ADCYAP1R1: variants seen among roughly 807,000 people sequenced by gnomAD.
ADCYAP1R1 encodes pituitary adenylate cyclase-activating polypeptide type I receptor.
ADCYAP1R1 carries 44 observed loss-of-function variants against 67.6 expected under a neutral mutation model. That is an observed-to-expected ratio of 0.65 (90% confidence interval 0.51 to 0.84). The LOEUF is 0.84. Ranked by LOEUF, ADCYAP1R1 falls within the 40% of genes least tolerant of loss-of-function variation. ADCYAP1R1 has a pLI of 0.00. For synonymous variants in ADCYAP1R1, 222 were observed against 219.6 expected, an observed-to-expected ratio of 1.01 and a Z score of -0.10; for missense variants, 477 against 587.9, an observed-to-expected ratio of 0.81 and a Z score of 1.95.
intron 1 of ADCYAP1R1, among the ~76,000 whole-genome samples, chr7:31,060,955 G>T (rs1327844414): frequency 6.6e-6 from 1 of 152,236 alleles, no homozygotes; most frequent in Non-Finnish European, 1.5e-5. Context: ...GAGAGCTTCT[G>T]ATTCATTTGG....
intron 3 of ADCYAP1R1, among the ~76,000 whole-genome samples, chr7:31,075,465 C>G (rs1412625993): frequency 6.6e-6 from 1 of 152,146 alleles, no homozygotes; most frequent in Non-Finnish European, 1.5e-5. Flanking sequence ...ACTCCACACT[C>G]CTGCCTCCCC....
intron 1 of ADCYAP1R1, among the ~76,000 whole-genome samples, chr7:31,056,155 C>A (rs741053): frequency 0.54 from 82,459 of 151,942 alleles, 24,846 homozygotes; most frequent in African/African-American, 0.82. Flanking sequence ...GAAACAGCTC[C>A]AAGGAGAGGG....
chr7:31,097,606 C>G (rs1011493750), intron 13 of ADCYAP1R1, among the ~76,000 whole-genome samples: 3 of 152,116 alleles, frequency 2.0e-5, no homozygotes, highest in African/African-American at 7.2e-5. Context: ...TGCAGGGTTT[C>G]CCAGTGAACT....
At chr7:31,070,493 C>T (rs1314797105) in intron 3 of ADCYAP1R1, among the ~76,000 whole-genome samples, 2 of 152,208 alleles carry the variant, frequency 1.3e-5, no homozygotes, top group Admixed American at 1.3e-4. Context: ...AACCAGTCCT[C>T]TCTACGTTCA....
intron 3 of ADCYAP1R1, among the ~76,000 whole-genome samples, chr7:31,072,730 T>A (rs1795042933): frequency 6.6e-6 from 1 of 152,206 alleles, no homozygotes; most frequent in Non-Finnish European, 1.5e-5. Flanking sequence ...GCCCACGTCA[T>A]CCTAATCCCT....
chr7:31,066,113 A>G (rs1215520748), intron 3 of ADCYAP1R1, among the ~76,000 whole-genome samples: 1 of 152,198 alleles, frequency 6.6e-6, no homozygotes, highest in Non-Finnish European at 1.5e-5. Flanking sequence ...GAGGAGACCC[A>G]AAGAATATCC....
At position 31,101,084 on chromosome 7, in the gene ADCYAP1R1, C is replaced by G. The variant is rs79278791; in HGVS notation, c.1047-2153C>G. Among the ~76,000 whole-genome samples the G allele has an allele frequency of 3.3e-3, 510 of 152,302 alleles. 1 individual carries two copies. Among genetic ancestry groups the G allele is most frequent in the African/African-American group, 0.012 (484 of 41,568 alleles). On this transcript the variant is annotated intron_variant, in intron 13 of 15. Transcript: ENST00000304166. ...CCCAGAACCCTGGGCTCTAGAGACT[C>G]CTTGTCTGTCCCTACTGCCCCATTT...
rs79213646 is a variant in ADCYAP1R1, at chr7:31,102,273, C to T, written c.1047-964C>T. On this transcript the variant is annotated intron_variant, in intron 13 of 15. Coordinates refer to ENST00000304166, the MANE Select transcript of ADCYAP1R1 (RefSeq NM_001118.5). The surrounding 1 kb of genome is among the most constrained non-coding windows in gnomAD (Gnocchi z 4.3). ...TCTGGAGGAGATGGGCCAGGTGCAG[C>T]CTGGGGGCAGGCCACATCTGCGGGG... 6.6e-6 allele frequency among the ~76,000 whole-genome samples: 1 copy of T among 152,234 alleles called. No individual in the cohort carries two copies. The highest frequency in any genetic ancestry group is 1.5e-5 in the Non-Finnish European group (1 of 68,038).
intron 14 of ADCYAP1R1, 112 bp downstream of exon 14, chr7:31,103,478 T>A: frequency 6.8e-7 from 1 of 1,474,384 alleles, no homozygotes; most frequent in Non-Finnish European, 9.3e-7. Context: ...AGTGCTAGAG[T>A]AGAGGTGATG....
intron 7 of ADCYAP1R1, 103 bp downstream of exon 7, chr7:31,084,353 C>G: frequency 1.1e-6 from 1 of 876,836 alleles, no homozygotes. Context: ...TGAGAAGCAA[C>G]TGGGATGCTG....
chr7:31,101,614 C>T (rs961672585), intron 13 of ADCYAP1R1, among the ~76,000 whole-genome samples: 5 of 152,244 alleles, frequency 3.3e-5, no homozygotes, highest in Non-Finnish European at 7.3e-5. Context: ...CCCTCTGTTG[C>T]CTTCTGGTGC....
chr7:31,076,236 C>T (rs747132183), intron 3 of ADCYAP1R1, among the ~76,000 whole-genome samples: 8 of 152,158 alleles, frequency 5.3e-5, no homozygotes, highest in East Asian at 1.9e-4. Context: ...GGCCGCTGGG[C>T]GGGACCCAGT....
intron 3 of ADCYAP1R1, among the ~76,000 whole-genome samples, chr7:31,071,377 T>A (rs1189521185): frequency 6.6e-6 from 1 of 152,142 alleles, no homozygotes; most frequent in Non-Finnish European, 1.5e-5. Flanking sequence ...GACCCACCCC[T>A]GGGCCTGAAT....
At chr7:31,100,402 G>A (rs542998115) in intron 13 of ADCYAP1R1, among the ~76,000 whole-genome samples, 1 of 145,460 alleles carries the variant, frequency 6.9e-6, no homozygotes, top group African/African-American at 2.5e-5. Context: ...GGGTGGGTGG[G>A]CAGGGTGTGG....
rs943792566 is a variant in ADCYAP1R1, at chr7:31,102,041, A to G, written c.1047-1196A>G. On this transcript the variant is annotated intron_variant, in intron 13 of 15. Transcript: ENST00000304166. The surrounding 1 kb of genome is among the most constrained non-coding windows in gnomAD (Gnocchi z 4.3). ...TCCTTCTCCTCTCTGAATGTAAGCT[A>G]GGAAGTCAAGGGCCTCACACAGACT... Among the ~76,000 whole-genome samples, 1 of 152,152 alleles carries G rather than the reference A, an allele frequency of 6.6e-6. No homozygotes were observed. Among genetic ancestry groups the G allele is most frequent in the Non-Finnish European group, 1.5e-5 (1 of 68,014 alleles).
At chr7:31,076,765 GCAGCCTTAGAC>G (rs1328430457) in intron 3 of ADCYAP1R1, among the ~76,000 whole-genome samples, 3 of 152,162 alleles carry the variant, frequency 2.0e-5, no homozygotes, top group Non-Finnish European at 4.4e-5. Flanking sequence ...GAGTGGAGCA[GCAGCCTTAGAC>G]CAGCCTGTTC....
In ADCYAP1R1 at chr7:31,111,115, C is replaced by T. The variant is rs1245656108; in HGVS notation, c.*4431C>T. 1 of 152,186 alleles carries T rather than the reference C, an allele frequency of 6.6e-6. No individual in the cohort carries two copies. Among genetic ancestry groups the T allele is most frequent in the Non-Finnish European group, 1.5e-5 (1 of 68,046 alleles). 9.4% of individuals were successfully genotyped at this position (152,186 alleles called of 1,614,324 possible). On this transcript the variant is annotated 3_prime_UTR_variant, in exon 16 of 16. Coordinates refer to ENST00000304166, the MANE Select transcript of ADCYAP1R1 (RefSeq NM_001118.5). Reference sequence around the variant, plus strand: ...TTCCATATGGGTGATAGCAGCCATGCCCCTGGGAGTCAACTTCAAGGATCT... The same window carrying T: ...TTCCATATGGGTGATAGCAGCCATGTCCCTGGGAGTCAACTTCAAGGATCT...
Position 31,102,366 on chromosome 7 carries a change from C to T in ADCYAP1R1, c.1047-871C>T, listed in dbSNP as rs938694183. On this transcript the variant is annotated intron_variant, in intron 13 of 15. Coordinates refer to ENST00000304166, the MANE Select transcript of ADCYAP1R1 (RefSeq NM_001118.5). This position sits in a 1 kb window ranked among gnomAD's most constrained non-coding sequence, Gnocchi z 4.3. ...CCCACAGGGAGCCAGTGTGCCCACTCTGGGTGAATGCTTGTGAGTGTCCCC... is the reference window on the plus strand; with the variant it reads ...CCCACAGGGAGCCAGTGTGCCCACTTTGGGTGAATGCTTGTGAGTGTCCCC... Among the ~76,000 whole-genome samples, 1 of 152,208 alleles carries T rather than the reference C, an allele frequency of 6.6e-6. No homozygotes were observed. Among genetic ancestry groups the T allele is most frequent in the Non-Finnish European group, 1.5e-5 (1 of 68,028 alleles).
rs934510181 is a variant in ADCYAP1R1 at position 31,052,366 on chromosome 7, G to C, written c.-384G>C. 2 of 152,002 alleles carry C rather than the reference G, an allele frequency of 1.3e-5. No individual in the cohort carries two copies. Among genetic ancestry groups the C allele is most frequent in the African/African-American group, 4.8e-5 (2 of 41,534 alleles). 9.4% of individuals were successfully genotyped at this position (152,002 alleles called of 1,614,324 possible). On this transcript the variant is annotated 5_prime_UTR_variant, in exon 1 of 16. Transcript: ENST00000304166. Reference sequence around the variant, plus strand: ...GGAGGCGGCGCCTCTCCCGCAGGACGGAGCCAAGCTGGACTGCCGCGCCGC... The same window carrying C: ...GGAGGCGGCGCCTCTCCCGCAGGACCGAGCCAAGCTGGACTGCCGCGCCGC...
Sources: gnomAD v4.1 joint callset for allele counts (sites outside exome capture counted in the v4.1 genomes callset) on GRCh38, gnomAD v4.1.1 for gene constraint, Gnocchi (gnomAD v3.1) non-coding constraint, MANE v1.5 for transcripts, NCBI Gene and HGNC (gene_info 2026-07-23, HGNC 2026-07-21) for gene names.